The following OPRM1 variants were observed in gnomAD, a reference collection of about 807,000 sequenced individuals.
The protein encoded by OPRM1 is opioid receptor mu 1, also known as mu-type opioid receptor.
A neutral mutation model predicts 31.8 loss-of-function variants in OPRM1; 27 were observed. The ratio of observed to expected loss-of-function variants is 0.85; its 90% CI spans 0.63 to 1.17. The LOEUF is 1.17. Among genes scored for constraint, OPRM1 ranks in the 50% most tolerant of loss-of-function variants. OPRM1 has a pLI of 0.00. For synonymous variants in OPRM1, 196 were observed against 189.9 expected (o/e 1.03, Z -0.26); for missense variants, 536 against 511.1 (o/e 1.05, Z -0.47).
chr6:154,203,112 T>C (rs1290186785), intron 3 of OPRM1, among the ~76,000 whole-genome samples: 1 of 152,190 alleles, frequency 6.6e-6, no homozygotes, highest in African/African-American at 2.4e-5. Flanking sequence ...ACATCAAGCA[T>C]AGAACTCTTA....
intron 1 of OPRM1, among the ~76,000 whole-genome samples, chr6:154,061,744 C>A (rs1344225815): frequency 6.6e-6 from 1 of 151,508 alleles, no homozygotes; most frequent in African/African-American, 2.4e-5. Context: ...GTGACAAAAT[C>A]ATTTGAACAC....
intron 1 of OPRM1, among the ~76,000 whole-genome samples, chr6:154,058,277 A>C (rs909816584): frequency 1.3e-5 from 2 of 152,352 alleles, no homozygotes; most frequent in Non-Finnish European, 2.9e-5. Flanking sequence ...AAAAAGATGA[A>C]AAATGATGTT....
At chr6:154,025,448 G>C (rs575602257) in intron 1 of OPRM1, among the ~76,000 whole-genome samples, 19 of 152,066 alleles carry the variant, frequency 1.2e-4, no homozygotes, top group African/African-American at 4.6e-4. Context: ...TTAGGCAACA[G>C]ATCAATGGGT....
At chr6:154,233,530 GACA>G (rs56183902) in intron 3 of OPRM1, among the ~76,000 whole-genome samples, 3,141 of 152,190 alleles carry the variant, frequency 0.021, 63 homozygotes, top group Admixed American at 0.069. Context: ...ATTCTACATA[GACA>G]ACATTTGGTA....
chr6:154,163,298 G>A (rs1200729354), intron 3 of OPRM1, among the ~76,000 whole-genome samples: 2 of 152,058 alleles, frequency 1.3e-5, no homozygotes, highest in East Asian at 1.9e-4. Flanking sequence ...GCACACTCCC[G>A]CCCCAAGGTG....
chr6:154,016,888 A>G (rs998579241), intron 1 of OPRM1, among the ~76,000 whole-genome samples: 1 of 152,224 alleles, frequency 6.6e-6, no homozygotes, highest in African/African-American at 2.4e-5. Flanking sequence ...ATAAACAGAA[A>G]AAATTTCTCT....
intron 3 of OPRM1, chr6:154,159,379 C>T (rs995276536): frequency 3.5e-5 from 6 of 171,212 alleles, no homozygotes; most frequent in African/African-American, 1.4e-4. Flanking sequence ...AGAAAACATT[C>T]CTCCACTCAA....
intron 1 of OPRM1, among the ~76,000 whole-genome samples, chr6:154,032,085 C>T (rs1406443428): frequency 6.6e-6 from 1 of 152,126 alleles, no homozygotes; most frequent in Non-Finnish European, 1.5e-5. Context: ...GTTAAGAGCT[C>T]ACTGTACAAC....
intron 3 of OPRM1, among the ~76,000 whole-genome samples, chr6:154,208,412 A>T (rs1777682950): frequency 6.6e-6 from 1 of 152,042 alleles, no homozygotes; most frequent in African/African-American, 2.4e-5. Flanking sequence ...TGGCTCCTCT[A>T]TTCTTTGCCA....
At chr6:154,018,653 G>A (rs1778153973) in intron 1 of OPRM1, among the ~76,000 whole-genome samples, 1 of 151,998 alleles carries the variant, frequency 6.6e-6, no homozygotes, top group African/African-American at 2.4e-5. Context: ...AAATCACAAT[G>A]TCATTCTCCT....
chr6:154,027,077 G>T (rs1778738315), intron 1 of OPRM1, among the ~76,000 whole-genome samples: 1 of 152,122 alleles, frequency 6.6e-6, no homozygotes. Context: ...GCCTGGTCTT[G>T]TTTGTATTTG....
At chr6:154,210,627 T>C (rs1409642008) in intron 3 of OPRM1, among the ~76,000 whole-genome samples, 2 of 152,278 alleles carry the variant, frequency 1.3e-5, no homozygotes, top group Non-Finnish European at 2.9e-5. Flanking sequence ...GTTTGAAAGA[T>C]ATAAAGAAAA....
chr6:154,020,032 C>CTGA (rs1361554952), intron 1 of OPRM1, among the ~76,000 whole-genome samples: 1 of 152,088 alleles, frequency 6.6e-6, no homozygotes, highest in Non-Finnish European at 1.5e-5. Flanking sequence ...CCGCACCCAG[C>CTGA]TGATAGCTTA....
At chr6:154,035,367 A>C (rs1261535651), upstream of OPRM1, among the ~76,000 whole-genome samples, 1 of 152,146 alleles carries the variant, frequency 6.6e-6, no homozygotes, top group Non-Finnish European at 1.5e-5. Flanking sequence ...TTTACTTGAT[A>C]TGTATGCAAC....
intron 3 of OPRM1, among the ~76,000 whole-genome samples, chr6:154,167,335 C>T (rs182796848): frequency 6.6e-6 from 1 of 152,196 alleles, no homozygotes; most frequent in Non-Finnish European, 1.5e-5. Flanking sequence ...TTCCCTTATT[C>T]CCATTGTGAA....
Position 154,168,120 on chromosome 6 carries a change from GAAA to G in OPRM1, c.1164+76657_1164+76659del. ...TCAGACACTTTTGTCTCTTCTATTT[GAAA>G]AAAAAAAAGAAAGCAGTAACAATAA... is the stretch of plus-strand genomic sequence containing the variant. On this transcript the variant is annotated intron_variant, in intron 3 of 3. Transcript: ENST00000337049. The surrounding 1 kb of genome is among the most constrained non-coding windows in gnomAD (Gnocchi z 4.1). 2 of 1,170,810 alleles carry G rather than the reference GAAA, an allele frequency of 1.7e-6. No homozygotes were observed. The highest frequency in any genetic ancestry group is 2.6e-5 in the Admixed American group (1 of 38,820). 72.5% of individuals were successfully genotyped at this position (1,170,810 alleles called of 1,614,324 possible). A position where few individuals can be genotyped will look rare whatever the true frequency, so the allele number is the denominator to read the frequency against.
chr6:154,118,851 C>T lies in OPRM1; in HGVS notation c.*130C>T. 4 of 1,511,034 alleles carry T rather than the reference C, an allele frequency of 2.6e-6. No homozygotes were observed. The highest frequency in any genetic ancestry group is 3.5e-6 in the Non-Finnish European group (4 of 1,138,910). 93.6% of individuals were successfully genotyped at this position (1,511,034 alleles called of 1,614,324 possible). ...TGCCTGCTTTTAGGTCATCCAACCT[C>T]TTTCCTCTCTGGCCACTCTGCTCTG... On this transcript the variant is annotated 3_prime_UTR_variant, in exon 4 of 4. Transcript: ENST00000330432.
intron 3 of OPRM1, among the ~76,000 whole-genome samples, chr6:154,237,856 A>G (rs1780258714): frequency 6.7e-6 from 1 of 148,668 alleles, no homozygotes; most frequent in African/African-American, 2.4e-5. Flanking sequence ...ACACATACAT[A>G]TCTATATATG....
At chr6:154,084,917 AAC>A (rs71669485) in intron 1 of OPRM1, among the ~76,000 whole-genome samples, 27,965 of 146,132 alleles carry the variant, frequency 0.19, 2,696 homozygotes, top group African/African-American at 0.23. Context: ...TGTGGAATTA[AAC>A]ACACACACAC....
Sources: allele counts gnomAD v4.1 joint callset (sites outside exome capture counted in the v4.1 genomes callset), GRCh38; gene constraint gnomAD v4.1.1; non-coding constraint Gnocchi (gnomAD v3.1); transcripts MANE v1.5; gene names NCBI Gene and HGNC (gene_info 2026-07-23, HGNC 2026-07-21).